NINJ1: variants seen among roughly 807,000 people sequenced by gnomAD.
NINJ1 encodes ninjurin-1.
Under a neutral mutation model 12.7 loss-of-function variants are expected in NINJ1, and 6 were observed. That is an observed-to-expected ratio of 0.47 (90% CI 0.26 to 0.93). The LOEUF is 0.93. NINJ1 is among the 40% of genes least tolerant of loss of function. The probability of loss-of-function intolerance (pLI) is 0.15; values close to 1 mark genes in which losing one functional copy is unlikely to be tolerated. For missense variants in NINJ1, 170 were observed against 213.0 expected (o/e 0.80, Z 1.26); for synonymous variants, 100 against 96.0 (o/e 1.04, Z -0.25).
At chr9:93,129,491 G>A (rs539761621) in intron 1 of NINJ1, among the ~76,000 whole-genome samples, 1 of 152,300 alleles carries the variant, frequency 6.6e-6, no homozygotes, top group East Asian at 1.9e-4. Flanking sequence ...TCTGCTTCCT[G>A]TCCAACCTGC....
intron 1 of NINJ1, among the ~76,000 whole-genome samples, chr9:93,127,201 A>G (rs1265100249): frequency 7.9e-5 from 12 of 152,146 alleles, no homozygotes; most frequent in Admixed American, 7.9e-4. Flanking sequence ...TTGCAGAACT[A>G]TTCGGCCATT....
intron 1 of NINJ1, among the ~76,000 whole-genome samples, chr9:93,132,845 C>T (rs987813817): frequency 4.6e-5 from 7 of 152,234 alleles, no homozygotes; most frequent in Admixed American, 1.3e-4. Context: ...AGGGCATTGC[C>T]CGGGCAAGGT....
At chr9:93,123,188 C>T (rs1288546394) in intron 3 of NINJ1, among the ~76,000 whole-genome samples, 2 of 152,248 alleles carry the variant, frequency 1.3e-5, no homozygotes, top group African/African-American at 4.8e-5. Flanking sequence ...CTCGTTGGCC[C>T]CCGTGTGGGG....
chr9:93,125,001 G>A lies in NINJ1; in HGVS notation c.366C>T (p.Ala122=). 6.2e-7 allele frequency: 1 copy of A among 1,614,062 alleles called. No individual in the cohort carries two copies. Among genetic ancestry groups the A allele is most frequent in the Non-Finnish European group, 8.5e-7 (1 of 1,179,954 alleles). ...CCACGATGATGAACACCAGGCCCGT[G>A]GCCAGGTTGTTGAGGAAGTCCAGCT... The part of the protein sequence containing the change: ...HAKLDFLNNL[A]TGLVFIIVVV... The change falls in exon 3 of 4, where the codon GCC becomes GCT. Residue 122 remains alanine, a synonymous_variant. Coordinates refer to ENST00000375446, the MANE Select transcript of NINJ1 (RefSeq NM_004148.4).
intron 1 of NINJ1, among the ~76,000 whole-genome samples, chr9:93,133,288 T>C (rs1454393397): frequency 6.6e-6 from 1 of 152,206 alleles, no homozygotes; most frequent in Non-Finnish European, 1.5e-5. Context: ...TGCCCCAGTC[T>C]GGTCCACGCC....
chr9:93,126,465 G>A lies in NINJ1; in HGVS notation c.249C>T (p.Leu83=). The A allele has an allele frequency of 6.2e-7, 1 of 1,614,204 alleles. No individual in the cohort carries two copies. The highest frequency in any genetic ancestry group is 1.1e-5 in the South Asian group (1 of 91,088). Residue 83 remains leucine, a synonymous_variant, in exon 2 of 4, where the codon CTC becomes CTT. Transcript: ENST00000375446. ...SFAFYVPLVV[L]ISISLVLQIG... is the part of the protein sequence containing the mutation. ...TCTGCAGCACAAGGGAGATGGAGAT[G>A]AGGACCACCAGGGGCACATAGAAGG...
chr9:93,123,218 T>C (rs536054302), intron 3 of NINJ1, among the ~76,000 whole-genome samples: 11 of 152,030 alleles, frequency 7.2e-5, no homozygotes, highest in Non-Finnish European at 1.3e-4. Flanking sequence ...GCCAGGTGGA[T>C]GCAGGGTGCT....
At chr9:93,131,789 T>A (rs561142319) in intron 1 of NINJ1, among the ~76,000 whole-genome samples, 173 of 152,274 alleles carry the variant, frequency 1.1e-3, no homozygotes, top group Middle Eastern at 6.8e-3. Flanking sequence ...CCTGAGAGCT[T>A]CCCACGGCCG....
In NINJ1 at chr9:93,132,998, G is replaced by C. The variant is rs529644970; in HGVS notation, c.75+1145C>G. Reference sequence around the variant, plus strand: ...CTCTTTATAAGACCATGTCTAAAAGGCCCAGCGAGGTGTGGCAACTTCCCA... The same window carrying C: ...CTCTTTATAAGACCATGTCTAAAAGCCCCAGCGAGGTGTGGCAACTTCCCA... On this transcript the variant is annotated intron_variant, in intron 1 of 3. Coordinates refer to ENST00000375446, the MANE Select transcript of NINJ1 (RefSeq NM_004148.4). Among the ~76,000 whole-genome samples the C allele has an allele frequency of 4.0e-4, 61 of 152,332 alleles. No individual in the cohort carries two copies. The East Asian group carries it at 0.01, about 25-fold the overall frequency.
Position 93,126,633 on chromosome 9 carries a change from G to A in NINJ1, c.81C>T (p.Ala27=). ...TGGGCCCGTGCCTCCAGCCCCAGCG[G>A]GCCGGCTGCAGGGAGGGGAATGGTC... ...GTPGSPDASP[A]RWGWRHGPIN... is the part of the protein sequence containing the mutation. Residue 27 remains alanine, a synonymous_variant, in exon 2 of 4, where the codon GCC becomes GCT. Coordinates refer to ENST00000375446, the MANE Select transcript of NINJ1 (RefSeq NM_004148.4). The A allele has an allele frequency of 6.3e-7, 1 of 1,597,650 alleles. No individual in the cohort carries two copies. The highest frequency in any genetic ancestry group is 8.6e-7 in the Non-Finnish European group (1 of 1,169,482).
intron 3 of NINJ1, among the ~76,000 whole-genome samples, chr9:93,124,254 C>T (rs1025242438): frequency 6.6e-6 from 1 of 152,168 alleles, no homozygotes; most frequent in Non-Finnish European, 1.5e-5. Flanking sequence ...CCTGACTTAT[C>T]AAGAGAAGCC....
rs115407597 is a variant in NINJ1, at chr9:93,130,812, G to T, written c.75+3331C>A. Among the ~76,000 whole-genome samples the T allele has an allele frequency of 9.9e-3, 1,504 of 152,324 alleles. 21 individuals carry two copies. Among genetic ancestry groups the T allele is most frequent in the African/African-American group, 0.034 (1,419 of 41,568 alleles). ...GCTCACAAAACAGTCACACAGCAAA[G>T]AAAGGACAGCCTGGGGCACAGGTTC... is the stretch of plus-strand genomic sequence containing the variant. On this transcript the variant is annotated intron_variant, in intron 1 of 3. Transcript: ENST00000375446.
chr9:93,124,999 G>A lies in NINJ1; in HGVS notation c.368C>T (p.Thr123Met), dbSNP rs202187907. ...AKLDFLNNLATGLVFIIVVVN... is the reference protein window; with the variant it reads ...AKLDFLNNLAMGLVFIIVVVN... The stretch of plus-strand genomic sequence containing the variant: ...TACCACGATGATGAACACCAGGCCC[G>A]TGGCCAGGTTGTTGAGGAAGTCCAG... Residue 123 changes from threonine to methionine, a missense_variant, in exon 3 of 4, where the codon ACG (threonine) becomes ATG (methionine). Transcript: ENST00000375446. 7.0e-5 allele frequency: 113 copies of A among 1,614,020 alleles called. 1 individual carries two copies. The Admixed American group carries it at 1.5e-3, about 21-fold the overall frequency.
Position 93,126,635 on chromosome 9 carries a change from C to G in NINJ1, c.79G>C (p.Ala27Pro). Residue 27 changes from alanine (A) to proline (P), a missense_variant, in exon 2 of 4, where the codon GCC becomes CCC. Transcript: ENST00000375446. ...GTPGSPDASPARWGWRHGPIN... is the reference protein window; with the variant it reads ...GTPGSPDASPPRWGWRHGPIN... ...GGCCCGTGCCTCCAGCCCCAGCGGG[C>G]CGGCTGCAGGGAGGGGAATGGTCAG... 1 of 1,596,160 alleles carries G rather than the reference C, an allele frequency of 6.3e-7. No individual in the cohort carries two copies. Among genetic ancestry groups the G allele is most frequent in the South Asian group, 1.1e-5 (1 of 89,876 alleles).
intron 1 of NINJ1, among the ~76,000 whole-genome samples, chr9:93,127,933 AG>A (rs1827836894): frequency 6.6e-6 from 1 of 152,358 alleles, no homozygotes; most frequent in East Asian, 1.9e-4. Context: ...AAAATACACG[AG>A]GCAGCCAATA....
At position 93,124,980 on chromosome 9, in the gene NINJ1, G is replaced by A. The variant is rs368852625; in HGVS notation, c.387C>T (p.Ile129=). 71 of 1,614,000 alleles carry A rather than the reference G, an allele frequency of 4.4e-5. No individual in the cohort carries two copies. Among genetic ancestry groups the A allele is most frequent in the East Asian group, 8.9e-5 (4 of 44,894 alleles). Reference sequence around the variant, plus strand: ...CCGTGATGAAGATGTTGACTACCACGATGATGAACACCAGGCCCGTGGCCA... The same window carrying A: ...CCGTGATGAAGATGTTGACTACCACAATGATGAACACCAGGCCCGTGGCCA... The part of the protein sequence containing the change: ...NNLATGLVFI[I]VVVNIFITAF... Residue 129 remains isoleucine, a synonymous_variant, in exon 3 of 4, where the codon ATC becomes ATT. Coordinates refer to ENST00000375446, the MANE Select transcript of NINJ1 (RefSeq NM_004148.4).
chr9:93,133,532 T>A (rs1345572113), intron 1 of NINJ1, among the ~76,000 whole-genome samples: 1 of 152,172 alleles, frequency 6.6e-6, no homozygotes, highest in Non-Finnish European at 1.5e-5. Flanking sequence ...GCAGGGCAAG[T>A]TCTGGAGGGC....
rs150031694 is a variant in NINJ1, at chr9:93,126,570, G to A, written c.144C>T (p.Ala48=). ...VNHYASKKSA[A]ESMLDIALLM... ...GCAGCGCGATGTCCAGCATGCTCTC[G>A]GCTGCGCTCTTCTTGCTGGCGTAAT... The change falls in exon 2 of 4, where the codon GCC becomes GCT. Residue 48 remains alanine (A), a synonymous_variant. Transcript: ENST00000375446. 9.2e-4 allele frequency: 1,477 copies of A among 1,613,988 alleles called. 1 individual carries two copies. Among genetic ancestry groups the A allele is most frequent in the Non-Finnish European group, 1.2e-3 (1,371 of 1,179,942 alleles).
chr9:93,133,801 G>A (rs568784782), intron 1 of NINJ1, among the ~76,000 whole-genome samples: 47 of 152,212 alleles, frequency 3.1e-4, no homozygotes, highest in Admixed American at 6.5e-5. Flanking sequence ...GCGAGAGTGG[G>A]GGGGAGGTCG....
Sources: allele counts gnomAD v4.1 joint callset (sites outside exome capture counted in the v4.1 genomes callset), GRCh38; gene constraint gnomAD v4.1.1; transcripts MANE v1.5; gene names NCBI Gene and HGNC (gene_info 2026-07-23, HGNC 2026-07-21).